PTPRD: variants seen among roughly 807,000 people sequenced by gnomAD.
PTPRD encodes receptor-type tyrosine-protein phosphatase delta.
A neutral mutation model predicts 214.5 loss-of-function variants in PTPRD; 34 were observed. The observed-to-expected ratio is 0.16, with a 90% CI of 0.12 to 0.21. The LOEUF (loss-of-function observed/expected upper bound fraction) is 0.21, where lower values mean the gene tolerates loss of function less well. PTPRD is among the 10% of genes least tolerant of loss of function. The probability of loss-of-function intolerance (pLI) is 1.00; values close to 1 mark genes in which losing one functional copy is unlikely to be tolerated. For synonymous variants in PTPRD, 1,128 were observed against 845.7 expected, an observed-to-expected ratio of 1.33 and a Z score of -5.79; for missense variants, 2,545 against 2,398.7, an observed-to-expected ratio of 1.06 and a Z score of -1.27.
intron 11 of PTPRD, among the ~76,000 whole-genome samples, chr9:8,934,450 T>TG (rs1567098205): frequency 2.1e-4 from 8 of 37,288 alleles, no homozygotes; most frequent in Admixed American, 5.2e-4. Flanking sequence ...TATATATAAA[T>TG]TTATATATAT....
In PTPRD at chr9:9,276,360, C is replaced by T. The variant is rs73641288; in HGVS notation, c.-202-92997G>A. On this transcript the variant is annotated intron_variant, in intron 9 of 45. Transcript: ENST00000381196. ...TGTAATTACATGTTACACTTGGCAA[C>T]AACTGAGAAGAGAAGAGATGTAGTC... is the stretch of plus-strand genomic sequence containing the variant. Among the ~76,000 whole-genome samples, 382 of 151,412 alleles carry T rather than the reference C, an allele frequency of 2.5e-3. 3 individuals carry two copies. Among genetic ancestry groups the T allele is most frequent in the African/African-American group, 8.9e-3 (368 of 41,410 alleles).
chr9:8,702,204 A>G (rs2098102466), intron 12 of PTPRD, among the ~76,000 whole-genome samples: 1 of 151,954 alleles, frequency 6.6e-6, no homozygotes, highest in Admixed American at 6.6e-5. Context: ...CAGTTGGTCT[A>G]CGTTTATATA....
At chr9:8,318,085 G>C in intron 45 of PTPRD, 143 bp from the exon 46 acceptor site, 1 of 680,854 alleles carries the variant, frequency 1.5e-6, no homozygotes. Flanking sequence ...CTAATCCAAT[G>C]ACCAATTGTT....
In PTPRD at chr9:8,354,176, A is replaced by C. The variant is rs933425459; in HGVS notation, c.4662-12198T>G. Among the ~76,000 whole-genome samples, 25 of 151,938 alleles carry C rather than the reference A, an allele frequency of 1.6e-4. No individual in the cohort carries two copies. In the South Asian group the frequency reaches 2.1e-3, roughly 13 times the overall value. ...TTAAGATCATTGCTAAGTACTCCTT[A>C]TTCTTTTTTTCACTTTTTCATAACT... On this transcript the variant is annotated intron_variant, in intron 39 of 45. Transcript: ENST00000381196.
At chr9:10,408,266 G>T (rs1038922691) in intron 2 of PTPRD, among the ~76,000 whole-genome samples, 1 of 151,398 alleles carries the variant, frequency 6.6e-6, no homozygotes, top group Admixed American at 6.6e-5. Flanking sequence ...CTAGAATGTG[G>T]TTATGGGCTA....
chr9:10,609,674 T>C (rs1487236535), intron 2 of PTPRD, among the ~76,000 whole-genome samples: 1 of 152,152 alleles, frequency 6.6e-6, no homozygotes, highest in African/African-American at 2.4e-5. Context: ...AAAGATATCA[T>C]GGCATTCCAT....
At chr9:9,833,866 C>T (rs1215555308) in intron 5 of PTPRD, among the ~76,000 whole-genome samples, 1 of 152,090 alleles carries the variant, frequency 6.6e-6, no homozygotes, top group Non-Finnish European at 1.5e-5. Flanking sequence ...CCCTGAACAA[C>T]TGCTGTTATC....
In PTPRD at chr9:8,446,457, C is replaced by A. The variant is rs367959259; in HGVS notation, c.3988+3268G>T. Among the ~76,000 whole-genome samples, 3 of 152,152 alleles carry A rather than the reference C, an allele frequency of 2.0e-5. No homozygotes were observed. The East Asian group carries it at 5.8e-4, about 29-fold the overall frequency. On this transcript the variant is annotated intron_variant, in intron 34 of 45. Coordinates refer to ENST00000381196, the MANE Select transcript of PTPRD (RefSeq NM_002839.4). The stretch of plus-strand genomic sequence containing the variant: ...CTGAAAGGCCTACTGAATTTCAAAT[C>A]GTAATGTTTGTTTGCTATTTTATCA...
chr9:10,271,535 T>C lies in PTPRD; in HGVS notation c.-545+69428A>G, dbSNP rs185637364. Reference sequence around the variant, plus strand: ...CAATACTGATAAATTCAATTGTTTCTTTTCTTTTCTTTTCTTTTTTTTTTT... The same window carrying C: ...CAATACTGATAAATTCAATTGTTTCCTTTCTTTTCTTTTCTTTTTTTTTTT... On this transcript the variant is annotated intron_variant, in intron 3 of 45. Coordinates refer to ENST00000381196, the MANE Select transcript of PTPRD (RefSeq NM_002839.4). Among the ~76,000 whole-genome samples the C allele has an allele frequency of 6.4e-3, 370 of 57,978 alleles. 2 individuals carry two copies. Among genetic ancestry groups the C allele is most frequent in the African/African-American group, 0.013 (354 of 27,300 alleles). 38.0% of individuals were successfully genotyped at this position (57,978 alleles called of 152,430 possible). A position where few individuals can be genotyped will look rare whatever the true frequency, so the allele number is the denominator to read the frequency against.
chr9:8,448,631 A>G (rs1208139610), intron 34 of PTPRD, among the ~76,000 whole-genome samples: 1 of 152,172 alleles, frequency 6.6e-6, no homozygotes, highest in South Asian at 2.1e-4. Context: ...TTTTTTAAAT[A>G]CCGACATTAT....
intron 5 of PTPRD, among the ~76,000 whole-genome samples, chr9:9,841,806 A>G (rs988330576): frequency 6.6e-6 from 1 of 152,256 alleles, no homozygotes; most frequent in South Asian, 2.1e-4. Context: ...TGCCATAAGG[A>G]CATTCATGTA....
intron 7 of PTPRD, among the ~76,000 whole-genome samples, chr9:9,635,045 T>C (rs924981201): frequency 3.9e-5 from 6 of 152,282 alleles, no homozygotes; most frequent in Middle Eastern, 3.4e-3. Flanking sequence ...GTATTTAAAG[T>C]TTGAGCAATA....
chr9:9,743,173 G>T lies in PTPRD; in HGVS notation c.-325-8602C>A, dbSNP rs148681797. On this transcript the variant is annotated intron_variant, in intron 6 of 45. Transcript: ENST00000381196. ...CAGACAGTGTTTATAAAATATGTAT[G>T]AATGATAAAAATGCATTCATAAATA... is the stretch of plus-strand genomic sequence containing the variant. Among the ~76,000 whole-genome samples the T allele has an allele frequency of 5.9e-5, 9 of 152,152 alleles. No individual in the cohort carries two copies. In the East Asian group the frequency reaches 1.4e-3, roughly 23 times the overall value.
intron 11 of PTPRD, among the ~76,000 whole-genome samples, chr9:9,013,293 A>C (rs1246996303): frequency 6.6e-6 from 1 of 152,092 alleles, no homozygotes; most frequent in African/African-American, 2.4e-5. Flanking sequence ...AACCACTCTC[A>C]AGGTGATGGG....
chr9:10,324,419 G>A (rs529473882), intron 3 of PTPRD, among the ~76,000 whole-genome samples: 4 of 151,868 alleles, frequency 2.6e-5, no homozygotes, highest in African/African-American at 7.3e-5. Flanking sequence ...ATGGCAAGTC[G>A]GTATGACTTC....
At chr9:8,832,408 A>ACCTTTT (rs1407542882) in intron 11 of PTPRD, among the ~76,000 whole-genome samples, 1 of 62,932 alleles carries the variant, frequency 1.6e-5, no homozygotes, top group African/African-American at 7.7e-5. Context: ...AGCTAAAATC[A>ACCTTTT]TCTTTTTTTT....
intron 8 of PTPRD, among the ~76,000 whole-genome samples, chr9:9,461,904 C>T (rs1430109481): frequency 1.3e-5 from 2 of 152,156 alleles, no homozygotes; most frequent in Non-Finnish European, 2.9e-5. Context: ...ACTATCTCCT[C>T]AGCTTCTTTA....
intron 2 of PTPRD, among the ~76,000 whole-genome samples, chr9:10,428,760 A>C (rs1158468964): frequency 6.6e-6 from 1 of 152,094 alleles, no homozygotes; most frequent in Admixed American, 6.6e-5. Context: ...CTTTTGGAAT[A>C]ATGAGTGACT....
intron 42 of PTPRD, 122 bp from the exon 43 acceptor site, chr9:8,339,169 G>A (rs775862963): frequency 1.9e-6 from 2 of 1,068,822 alleles, no homozygotes; most frequent in Non-Finnish European, 1.3e-6. Flanking sequence ...CAAAATTCAA[G>A]GCAATTCCAA....
Sources: allele counts gnomAD v4.1 joint callset (sites outside exome capture counted in the v4.1 genomes callset), GRCh38; gene constraint gnomAD v4.1.1; transcripts MANE v1.5; gene names NCBI Gene and HGNC (gene_info 2026-07-23, HGNC 2026-07-21).